The following HECTD4 variants were observed in gnomAD, a reference collection of about 807,000 sequenced individuals.
HECTD4 encodes the protein probable E3 ubiquitin-protein ligase HECTD4.
HECTD4 carries 114 observed loss-of-function variants against 471.5 expected under a neutral mutation model. That is an observed-to-expected ratio of 0.24 (90% CI 0.21 to 0.28). HECTD4 has a LOEUF of 0.28. Ranked by LOEUF, HECTD4 falls within the 10% of genes least tolerant of loss-of-function variation. HECTD4 has a pLI of 1.00. For missense variants in HECTD4, 3,866 were observed against 5,651.5 expected (o/e 0.68, Z 10.13); for synonymous variants, 2,012 against 2,256.0 (o/e 0.89, Z 3.07).
At chr12:112,237,405 T>C (rs2033537270) in intron 34 of HECTD4, among the ~76,000 whole-genome samples, 2 of 152,212 alleles carry the variant, frequency 1.3e-5, no homozygotes, top group Admixed American at 1.3e-4. Flanking sequence ...CATCTTGATT[T>C]CTTAACTCAT....
chr12:112,249,012 C>T (rs957731689), intron 25 of HECTD4, among the ~76,000 whole-genome samples: 13 of 152,148 alleles, frequency 8.5e-5, no homozygotes, highest in African/African-American at 2.9e-4. Flanking sequence ...CGGAGTCTTA[C>T]GTTGGCAAAT....
intron 11 of HECTD4, among the ~76,000 whole-genome samples, chr12:112,273,391 A>C (rs1436087550): frequency 2.0e-5 from 3 of 152,216 alleles, no homozygotes; most frequent in African/African-American, 7.2e-5. Flanking sequence ...AAGTTCCAAC[A>C]ATTTCAGGAA....
At chr12:112,298,918 G>C (rs537535209) in intron 7 of HECTD4, among the ~76,000 whole-genome samples, 1 of 151,430 alleles carries the variant, frequency 6.6e-6, no homozygotes, top group Non-Finnish European at 1.5e-5. Context: ...TGGGGTTACA[G>C]GCATGAGCTA....
chr12:112,182,368 G>T, intron 62 of HECTD4, among the ~76,000 whole-genome samples: 1 of 141,420 alleles, frequency 7.1e-6, no homozygotes, highest in Middle Eastern at 3.4e-3. Flanking sequence ...AATTAAAAAA[G>T]GAAAAAAAGA....
Position 112,280,849 on chromosome 12 carries a change from A to C in HECTD4, c.1529-1463T>G, listed in dbSNP as rs11066231. Among the ~76,000 whole-genome samples, 8,169 of 142,738 alleles carry C rather than the reference A, an allele frequency of 0.057. 1,238 individuals are homozygous for C. In the East Asian group the frequency reaches 0.61, roughly 11 times the overall value. The allele number at this position is 142,738 out of a possible 152,430, so 93.6% of individuals were successfully genotyped here. A position where few individuals can be genotyped will look rare whatever the true frequency, so the allele number is the denominator to read the frequency against. On this transcript the variant is annotated intron_variant, in intron 8 of 75. Transcript: ENST00000682272. ...GTCTGCCTGGGCTGCAGTACAATGGAGCCATCTCGGCTCACTGCAACTTCC... is the reference window on the plus strand; with the variant it reads ...GTCTGCCTGGGCTGCAGTACAATGGCGCCATCTCGGCTCACTGCAACTTCC...
At chr12:112,370,582 A>G (rs1393542144) in intron 1 of HECTD4, among the ~76,000 whole-genome samples, 1 of 152,214 alleles carries the variant, frequency 6.6e-6, no homozygotes, top group Non-Finnish European at 1.5e-5. Flanking sequence ...ATCTTTATGT[A>G]AAAAAGAAAA....
intron 1 of HECTD4, among the ~76,000 whole-genome samples, chr12:112,373,969 G>A (rs867352913): frequency 3.4e-5 from 5 of 146,940 alleles, no homozygotes; most frequent in South Asian, 2.1e-4. Flanking sequence ...GTGCTATTGC[G>A]CTCCAGCCTA....
At chr12:112,317,522 G>A (rs756497719) in intron 2 of HECTD4, among the ~76,000 whole-genome samples, 1 of 152,154 alleles carries the variant, frequency 6.6e-6, no homozygotes, top group African/African-American at 2.4e-5. Flanking sequence ...AAAATTCTAC[G>A]GAAGACAGAC....
At chr12:112,302,064 C>T (rs1012755460) in intron 7 of HECTD4, 23 of 1,367,828 alleles carry the variant, frequency 1.7e-5, no homozygotes, top group South Asian at 4.7e-5. Flanking sequence ...TGTGTGAAGG[C>T]GACAGTGGTG....
rs1261720364 is a variant in HECTD4 at position 112,188,192 on chromosome 12, G to A, written c.9472+2594C>T. Among the ~76,000 whole-genome samples, 1 of 152,156 alleles carries A rather than the reference G, an allele frequency of 6.6e-6. No homozygotes were observed. Among genetic ancestry groups the A allele is most frequent in the Non-Finnish European group, 1.5e-5 (1 of 68,024 alleles). On this transcript the variant is annotated intron_variant, in intron 60 of 75. Transcript: ENST00000682272. This position sits in a 1 kb window ranked among gnomAD's most constrained non-coding sequence, Gnocchi z 4.2. ...TATTCCCAACTACTCAGGAGGCTGG[G>A]GCAGGAGAATCACTTGAACCCAGGA... is the stretch of plus-strand genomic sequence containing the variant.
chr12:112,328,628 C>CA (rs1327492579), intron 1 of HECTD4, among the ~76,000 whole-genome samples: 1 of 152,194 alleles, frequency 6.6e-6, no homozygotes, highest in Non-Finnish European at 1.5e-5. Context: ...GTAAGTACAT[C>CA]ATGATGGGAG....
rs559490032 is a variant in HECTD4, at chr12:112,173,386, T to A, written c.11595-525A>T. ...TAAAATTTTAATTTTTTAATTTTTT[T>A]ATTTTTATTTATTTATTTTTTGAGA... is the stretch of plus-strand genomic sequence containing the variant. On this transcript the variant is annotated intron_variant, in intron 66 of 75. Transcript: ENST00000682272. The surrounding 1 kb of genome is among the most constrained non-coding windows in gnomAD (Gnocchi z 4.3). Among the ~76,000 whole-genome samples the A allele has an allele frequency of 6.8e-4, 103 of 152,084 alleles. 1 individual carries two copies. Among genetic ancestry groups the A allele is most frequent in the African/African-American group, 1.9e-3 (77 of 41,514 alleles).
rs368382651 is a variant in HECTD4 at position 112,235,835 on chromosome 12, G to C, written c.5445-51C>G. The C allele has an allele frequency of 6.1e-6, 9 of 1,467,926 alleles. No individual in the cohort carries two copies. The African/African-American group carries it at 1.1e-4, about 18-fold the overall frequency. 90.9% of individuals were successfully genotyped at this position (1,467,926 alleles called of 1,614,324 possible). ...ACAGTGCTAGAAATGTTGATCTATA[G>C]ACATTCAGAAGCAAGAGTTCTCTGA... is the stretch of plus-strand genomic sequence containing the variant. On this transcript the variant is annotated intron_variant, in intron 35 of 75. Transcript: ENST00000682272. This position sits in a 1 kb window ranked among gnomAD's most constrained non-coding sequence, Gnocchi z 5.0.
chr12:112,165,186 T>C (rs2030889039), intron 72 of HECTD4, among the ~76,000 whole-genome samples: 1 of 151,648 alleles, frequency 6.6e-6, no homozygotes, highest in African/African-American at 2.4e-5. Flanking sequence ...CCCAAAGTGC[T>C]GGGATTACAG....
Position 112,243,707 on chromosome 12 carries a change from C to A in HECTD4, c.4704G>T (p.Leu1568=), listed in dbSNP as rs1001177173. ...GCTTGTCCCTGCTGTCCTCAATGGC[C>A]AGCGACTGCAGGAGTGTAAAGGAGC... ...RSSSFTLLQS[L]AIEDSRDKPT... The change falls in exon 31 of 76, where the codon CTG becomes CTT. Residue 1568 remains leucine (L), a synonymous_variant. Transcript: ENST00000682272. This position sits in a 1 kb window ranked among gnomAD's most constrained non-coding sequence, Gnocchi z 6.6. 3.7e-6 allele frequency: 6 copies of A among 1,613,788 alleles called. No homozygotes were observed. The African/African-American group carries it at 8.0e-5, about 22-fold the overall frequency.
Position 112,210,062 on chromosome 12 carries a change from G to T in HECTD4, c.7820C>A (p.Thr2607Asn). The T allele has an allele frequency of 5.6e-6, 9 of 1,614,024 alleles. No individual in the cohort carries two copies. Among genetic ancestry groups the T allele is most frequent in the Non-Finnish European group, 6.8e-6 (8 of 1,179,884 alleles). ...AGTSIASDPG[T>N]HGPPCRIAAV... ...AGCAATCCGGCATGGTGGCCCATGAGTGCCTGGGTCTGATGCAATACTGGT... is the reference window on the plus strand; with the variant it reads ...AGCAATCCGGCATGGTGGCCCATGATTGCCTGGGTCTGATGCAATACTGGT... The change falls in exon 50 of 76, where the codon ACT becomes AAT. Residue 2607 changes from threonine (T) to asparagine (N), a missense_variant. Physicochemically the swap from Thr to Asn is moderately conservative, Grantham distance 65. Around this residue, in one of 16 missense-constraint regions of HECTD4, gnomAD observed 266 missense variants for 441.6 expected, o/e 0.60. Transcript: ENST00000682272.
At chr12:112,357,213 A>T (rs2036357131) in intron 1 of HECTD4, among the ~76,000 whole-genome samples, 1 of 152,206 alleles carries the variant, frequency 6.6e-6, no homozygotes, top group Non-Finnish European at 1.5e-5. Context: ...TTGCCTAATG[A>T]TAGGCATTTC....
intron 52 of HECTD4, among the ~76,000 whole-genome samples, chr12:112,206,343 A>T (rs1338824984): frequency 4.6e-5 from 7 of 152,034 alleles, no homozygotes; most frequent in African/African-American, 1.7e-4. Flanking sequence ...AAAAATAAAA[A>T]AATTAGCCAG....
chr12:112,339,217 T>C (rs2036011113), intron 1 of HECTD4, among the ~76,000 whole-genome samples: 2 of 151,800 alleles, frequency 1.3e-5, no homozygotes, highest in African/African-American at 4.9e-5. Context: ...CACTGTGTCA[T>C]AGTTATATAA....
Sources: allele counts gnomAD v4.1 joint callset (sites outside exome capture counted in the v4.1 genomes callset), GRCh38; gene constraint gnomAD v4.1.1; regional missense constraint gnomAD v4.1.1; non-coding constraint Gnocchi (gnomAD v3.1); transcripts MANE v1.5; gene names NCBI Gene and HGNC (gene_info 2026-07-23, HGNC 2026-07-21).